RHBDL2: variants seen among roughly 807,000 people sequenced by gnomAD.
The protein encoded by RHBDL2 is rhomboid like 2, also known as rhomboid-related protein 2.
In RHBDL2, 26 loss-of-function variants were observed where a neutral mutation model predicts 31.7. That is an observed-to-expected ratio of 0.82 (90% CI 0.60 to 1.14). The LOEUF is 1.14. Among genes scored for constraint, RHBDL2 ranks in the 50% most tolerant of loss-of-function variants. The probability of loss-of-function intolerance (pLI) is 0.00; values close to 1 mark genes in which losing one functional copy is unlikely to be tolerated. For synonymous variants in RHBDL2, 123 were observed against 127.2 expected (o/e 0.97, Z 0.22); for missense variants, 336 against 364.4 (o/e 0.92, Z 0.63).
chr1:38,920,166 C>CTTTTTTTTTTT lies in RHBDL2; in HGVS notation c.-125-840_-125-830dup, dbSNP rs71057165. Among the ~76,000 whole-genome samples, 20 of 111,390 alleles carry CTTTTTTTTTTT rather than the reference C, an allele frequency of 1.8e-4. 1 individual carries two copies. The highest frequency in any genetic ancestry group is 3.6e-4 in the Admixed American group (3 of 8,388). 73.1% of individuals were successfully genotyped at this position (111,390 alleles called of 152,430 possible). ...GTGGTTGGCTTCCTTCACATGTTTT[C>CTTTTTTTTTTT]TTTTTTTTTTTTTTTTTTTGAGATG... On this transcript the variant is annotated intron_variant, in intron 1 of 7. Transcript: ENST00000372990.
intron 1 of RHBDL2, among the ~76,000 whole-genome samples, chr1:38,936,790 G>A (rs554177337): frequency 1.2e-4 from 18 of 149,228 alleles, no homozygotes; most frequent in South Asian, 2.1e-4. Flanking sequence ...GTGAGCCACC[G>A]TGCCCAGCAA....
chr1:38,914,966 T>C (rs900859852), intron 3 of RHBDL2, among the ~76,000 whole-genome samples: 8 of 138,432 alleles, frequency 5.8e-5, no homozygotes, highest in Non-Finnish European at 1.1e-4. Context: ...GAGGCGGAGG[T>C]TGCAGTGAGC....
chr1:38,906,621 C>T (rs367909300), intron 4 of RHBDL2, among the ~76,000 whole-genome samples: 14 of 151,458 alleles, frequency 9.2e-5, no homozygotes, highest in African/African-American at 3.4e-4. Flanking sequence ...TTGCAGTGAG[C>T]GGAGATCGCA....
intron 3 of RHBDL2, among the ~76,000 whole-genome samples, chr1:38,912,375 G>T (rs1272440366): frequency 2.0e-5 from 3 of 150,730 alleles, no homozygotes; most frequent in Non-Finnish European, 4.4e-5. Flanking sequence ...AAAGTGCTGG[G>T]ATTACACGCA....
chr1:38,903,925 A>G (rs564529370), intron 4 of RHBDL2, among the ~76,000 whole-genome samples: 1 of 152,338 alleles, frequency 6.6e-6, no homozygotes, highest in South Asian at 2.1e-4. Flanking sequence ...TATACAAACA[A>G]CAACTTCAAC....
chr1:38,902,646 T>A (rs1557611663), intron 4 of RHBDL2, among the ~76,000 whole-genome samples: 1 of 152,088 alleles, frequency 6.6e-6, no homozygotes, highest in Non-Finnish European at 1.5e-5. Context: ...GGTCTCGAAC[T>A]CCTGACCTGA....
intron 1 of RHBDL2, among the ~76,000 whole-genome samples, chr1:38,937,061 C>A (rs1232317105): frequency 6.6e-6 from 1 of 152,036 alleles, no homozygotes; most frequent in East Asian, 1.9e-4. Flanking sequence ...CATTCTCCTG[C>A]CTCAGCCTCC....
At chr1:38,932,737 G>T (rs1017746272) in intron 1 of RHBDL2, among the ~76,000 whole-genome samples, 2 of 152,296 alleles carry the variant, frequency 1.3e-5, no homozygotes, top group East Asian at 3.9e-4. Context: ...TGGAATTACA[G>T]GCGTGAGCCA....
intron 1 of RHBDL2, chr1:38,926,329 C>T (rs894824330): frequency 4.9e-6 from 2 of 407,632 alleles, no homozygotes; most frequent in African/African-American, 2.1e-5. Context: ...CAGCACTGGG[C>T]GTTCAGCAGC....
chr1:38,930,722 C>T (rs1041108628), intron 1 of RHBDL2, among the ~76,000 whole-genome samples: 2 of 152,206 alleles, frequency 1.3e-5, no homozygotes, highest in African/African-American at 4.8e-5. Context: ...GACCCTGAGC[C>T]ACTTCCCCCT....
At chr1:38,919,501 CTT>C (rs751447702) in intron 1 of RHBDL2, 164 bp from the exon 2 acceptor site, 19 of 416,130 alleles carry the variant, frequency 4.6e-5, no homozygotes, top group Non-Finnish European at 7.0e-5. Flanking sequence ...AGATAAATCA[CTT>C]AATTAAATTC....
At chr1:38,920,752 G>A (rs1468882298) in intron 1 of RHBDL2, among the ~76,000 whole-genome samples, 3 of 150,076 alleles carry the variant, frequency 2.0e-5, no homozygotes, top group Non-Finnish European at 4.4e-5. Context: ...GACTACAGGT[G>A]CCCACCACCA....
At position 38,893,070 on chromosome 1, in the gene RHBDL2, G is replaced by T. The variant is rs1009511740; in HGVS notation, c.670+94C>A. On this transcript the variant is annotated intron_variant, in intron 6 of 7. Coordinates refer to ENST00000372990, the MANE Select transcript of RHBDL2 (RefSeq NM_017821.5). ...CAGGTCTGTGTGTATGCCCCAAATT[G>T]CAATCCTGTGATTCCCAAATAAAAT... The T allele has an allele frequency of 6.8e-6, 5 of 733,264 alleles. No homozygotes were observed. The East Asian group carries it at 1.3e-4, about 20-fold the overall frequency. 45.4% of individuals were successfully genotyped at this position (733,264 alleles called of 1,614,324 possible).
chr1:38,907,793 T>C (rs1643087638), intron 4 of RHBDL2, among the ~76,000 whole-genome samples: 4 of 152,036 alleles, frequency 2.6e-5, no homozygotes, highest in Admixed American at 6.6e-5. Context: ...TTTTAGAAGA[T>C]AACATTGGAA....
At chr1:38,912,906 ATATATGTG>A (rs1195657868) in intron 3 of RHBDL2, among the ~76,000 whole-genome samples, 1,403 of 33,890 alleles carry the variant, frequency 0.041, 39 homozygotes, top group African/African-American at 0.091. Flanking sequence ...ATATATATAT[ATATATGTG>A]TGTGTGTGTG....
At chr1:38,929,431 A>T in intron 1 of RHBDL2, 13 of 1,289,474 alleles carry the variant, frequency 1.0e-5, no homozygotes, top group Non-Finnish European at 1.3e-5. Flanking sequence ...GGCCCTGGCA[A>T]GGCCAACACC....
At chr1:38,892,459 G>C (rs1403932032) in intron 6 of RHBDL2, among the ~76,000 whole-genome samples, 4 of 152,200 alleles carry the variant, frequency 2.6e-5, no homozygotes, top group African/African-American at 9.6e-5. Flanking sequence ...ACTCCATAAA[G>C]ATACTAAAAG....
At chr1:38,907,276 A>G (rs6660602) in intron 4 of RHBDL2, among the ~76,000 whole-genome samples, 19,034 of 152,306 alleles carry the variant, frequency 0.12, 1,537 homozygotes, top group Non-Finnish European at 0.18. Flanking sequence ...GCAGTGGCTC[A>G]TGCCTGTAAT....
intron 4 of RHBDL2, among the ~76,000 whole-genome samples, chr1:38,903,005 A>G (rs943229720): frequency 6.6e-5 from 10 of 152,360 alleles, no homozygotes; most frequent in African/African-American, 2.4e-4. Flanking sequence ...TAATCTATGT[A>G]GAAAATCTAA....
Sources: allele counts gnomAD v4.1 joint callset (sites outside exome capture counted in the v4.1 genomes callset), GRCh38; gene constraint gnomAD v4.1.1; transcripts MANE v1.5; gene names NCBI Gene and HGNC (gene_info 2026-07-23, HGNC 2026-07-21).